Variants in KCNH7 observed in about 807,000 individuals in gnomAD.
KCNH7 encodes the protein voltage-gated inwardly rectifying potassium channel KCNH7.
In KCNH7, 49 loss-of-function variants were observed where a neutral mutation model predicts 120.8. The ratio of observed to expected loss-of-function variants is 0.41; its 90% confidence interval spans 0.32 to 0.51. The LOEUF (loss-of-function observed/expected upper bound fraction) is 0.51. KCNH7 is among the 20% of genes least tolerant of loss of function. The pLI is 0.38. For synonymous variants in KCNH7, 547 were observed against 516.1 expected (o/e 1.06, Z -0.81); for missense variants, 1,097 against 1,446.6 (o/e 0.76, Z 3.92).
intron 2 of KCNH7, among the ~76,000 whole-genome samples, chr2:162,805,156 T>G (rs1684496184): frequency 6.6e-6 from 1 of 151,856 alleles, no homozygotes. Context: ...GGAAAAACTC[T>G]CCTGGACACT....
intron 3 of KCNH7, among the ~76,000 whole-genome samples, chr2:162,523,150 C>T (rs1187342999): frequency 6.6e-6 from 1 of 151,730 alleles, no homozygotes; most frequent in Admixed American, 6.6e-5. Flanking sequence ...TAGTTTTACC[C>T]AAGGTTTGGT....
chr2:162,776,199 T>A (rs1438613681), intron 2 of KCNH7, among the ~76,000 whole-genome samples: 1 of 152,206 alleles, frequency 6.6e-6, no homozygotes, highest in South Asian at 2.1e-4. Context: ...GGAATATAAA[T>A]GATCCCTTCC....
In KCNH7 at chr2:162,517,932, A is replaced by G. The variant is rs774271931; in HGVS notation, c.690T>C (p.Asn230=). ...IQPSKCSPLV[N]ISGPLDHSSP... is the part of the protein sequence containing the mutation. ...AGGAATGGTCAAGAGGTCCGGATAT[A>G]TTCACCAAGGGAGAACATTTGCTGG... The change falls in exon 4 of 16, where the codon AAT becomes AAC. Residue 230 remains asparagine, a synonymous_variant. Transcript: ENST00000332142. 6.2e-7 allele frequency: 1 copy of G among 1,612,488 alleles called. No homozygotes were observed. The highest frequency in any genetic ancestry group is 1.1e-5 in the South Asian group (1 of 91,060).
intron 2 of KCNH7, among the ~76,000 whole-genome samples, chr2:162,774,635 A>C (rs1165399438): frequency 1.3e-5 from 2 of 152,182 alleles, no homozygotes; most frequent in Non-Finnish European, 2.9e-5. Context: ...GTCATCAGTA[A>C]ATATATTTCT....
At position 162,600,332 on chromosome 2, in the gene KCNH7, A is replaced by AGCAGC. The variant is rs1694509548; in HGVS notation, c.308-63253_308-63252insGCTGC. On this transcript the variant is annotated intron_variant, in intron 2 of 15. Transcript: ENST00000332142. ...AGCAGCTCCAGGAAGGTGATCACCAATAGGTCCAGCATCTTCCTTTAGGGT... is the reference window on the plus strand; with the variant it reads ...AGCAGCTCCAGGAAGGTGATCACCAAGCAGCTAGGTCCAGCATCTTCCTTTAGGGT... Among the ~76,000 whole-genome samples the AGCAGC allele has an allele frequency of 6.6e-5, 10 of 152,240 alleles. No individual in the cohort carries two copies. The East Asian group carries it at 1.2e-3, about 18-fold the overall frequency.
chr2:162,713,044 G>T (rs551283501), intron 2 of KCNH7, among the ~76,000 whole-genome samples: 1 of 152,010 alleles, frequency 6.6e-6, no homozygotes, highest in South Asian at 2.1e-4. Flanking sequence ...CCTGCCTCAG[G>T]CTCCCAAGTA....
chr2:162,453,712 A>G (rs79085376), intron 6 of KCNH7, among the ~76,000 whole-genome samples: 2 of 152,200 alleles, frequency 1.3e-5, no homozygotes, highest in South Asian at 4.1e-4. Context: ...TCTAATGATC[A>G]GTGGTGAAGA....
At chr2:162,721,584 C>A (rs1483244668) in intron 2 of KCNH7, among the ~76,000 whole-genome samples, 1 of 152,070 alleles carries the variant, frequency 6.6e-6, no homozygotes, top group African/African-American at 2.4e-5. Flanking sequence ...GTAATACATG[C>A]ATGGTTATGC....
At chr2:162,632,648 C>T (rs944293300) in intron 2 of KCNH7, among the ~76,000 whole-genome samples, 5 of 151,654 alleles carry the variant, frequency 3.3e-5, no homozygotes, top group South Asian at 2.1e-4. Flanking sequence ...ATTCCATAAT[C>T]GATCAATGGA....
At chr2:162,791,801 G>A (rs1390698188) in intron 2 of KCNH7, among the ~76,000 whole-genome samples, 4 of 152,052 alleles carry the variant, frequency 2.6e-5, no homozygotes, top group South Asian at 2.1e-4. Flanking sequence ...GCCCTAGCCA[G>A]GACTTCCAAT....
intron 9 of KCNH7, among the ~76,000 whole-genome samples, chr2:162,415,609 G>C (rs1236846583): frequency 6.6e-6 from 1 of 151,986 alleles, no homozygotes. Flanking sequence ...TCAGTGATTG[G>C]TTAAGATATT....
At chr2:162,778,530 A>G (rs1683344595) in intron 2 of KCNH7, among the ~76,000 whole-genome samples, 1 of 152,200 alleles carries the variant, frequency 6.6e-6, no homozygotes, top group African/African-American at 2.4e-5. Context: ...AGAACTATGT[A>G]TATTTTTCCT....
chr2:162,584,039 A>T (rs1365585649), intron 2 of KCNH7, among the ~76,000 whole-genome samples: 1 of 152,150 alleles, frequency 6.6e-6, no homozygotes, highest in African/African-American at 2.4e-5. Context: ...AAATATATAG[A>T]TAAAAGCTGT....
intron 2 of KCNH7, among the ~76,000 whole-genome samples, chr2:162,667,963 T>C (rs1453324497): frequency 2.0e-5 from 3 of 152,202 alleles, no homozygotes; most frequent in Non-Finnish European, 4.4e-5. Context: ...GTAGATAACA[T>C]TGTTAGGCTT....
At chr2:162,400,130 A>G in intron 10 of KCNH7, 59 bp downstream of exon 10, 1 of 1,557,988 alleles carries the variant, frequency 6.4e-7, no homozygotes. Context: ...TAATCATTTT[A>G]AACTATGCAT....
At chr2:162,714,245 C>A (rs532407297) in intron 2 of KCNH7, among the ~76,000 whole-genome samples, 1 of 152,124 alleles carries the variant, frequency 6.6e-6, no homozygotes, top group Non-Finnish European at 1.5e-5. Context: ...AGAATTGACA[C>A]GTGCTTCCAG....
chr2:162,452,979 A>G (rs1484779528), intron 6 of KCNH7, among the ~76,000 whole-genome samples: 1 of 152,012 alleles, frequency 6.6e-6, no homozygotes, highest in African/African-American at 2.4e-5. Context: ...TCCAGGATAC[A>G]TGTATAGAAT....
chr2:162,467,829 A>G (rs2105627558), intron 6 of KCNH7, among the ~76,000 whole-genome samples: 1 of 152,308 alleles, frequency 6.6e-6, no homozygotes, highest in Non-Finnish European at 1.5e-5. Context: ...GAGAAGTCCA[A>G]GATCAAGGCA....
At chr2:162,711,678 AG>A (rs1445982529) in intron 2 of KCNH7, among the ~76,000 whole-genome samples, 1 of 152,202 alleles carries the variant, frequency 6.6e-6, no homozygotes, top group African/African-American at 2.4e-5. Flanking sequence ...AAAGTTGGAA[AG>A]GGTAAAATAT....
Sources: gnomAD v4.1 joint callset for allele counts (sites outside exome capture counted in the v4.1 genomes callset) on GRCh38, gnomAD v4.1.1 for gene constraint, MANE v1.5 for transcripts, NCBI Gene and HGNC (gene_info 2026-07-23, HGNC 2026-07-21) for gene names.